Variants in MICOS10 observed in about 807,000 individuals in gnomAD.
MICOS10 encodes the protein mitochondrial contact site and cristae organizing system subunit 10, also known as MICOS complex subunit MIC10.
In MICOS10, 5 loss-of-function variants were observed where a neutral mutation model predicts 13.4. The ratio of observed to expected loss-of-function variants is 0.37; its 90% confidence interval spans 0.20 to 0.78. The LOEUF is 0.78. Ranked by LOEUF, MICOS10 falls within the 30% of genes least tolerant of loss-of-function variation. MICOS10 has a pLI of 0.47. For synonymous variants in MICOS10, 35 were observed against 33.6 expected (o/e 1.04, Z -0.15); for missense variants, 101 against 94.6 (o/e 1.07, Z -0.28).
chr1:19,611,653 T>C (rs2094862130), intron 1 of MICOS10, among the ~76,000 whole-genome samples: 1 of 151,782 alleles, frequency 6.6e-6, no homozygotes, highest in Admixed American at 6.6e-5. Flanking sequence ...TTGAAATTTA[T>C]TTTAGCTCAT....
At chr1:19,623,992 A>G (rs2094913505) in intron 3 of MICOS10, among the ~76,000 whole-genome samples, 1 of 152,018 alleles carries the variant, frequency 6.6e-6, no homozygotes, top group Non-Finnish European at 1.5e-5. Flanking sequence ...CTTTTTATTA[A>G]TTTGTTTCAT....
intron 1 of MICOS10, among the ~76,000 whole-genome samples, chr1:19,614,202 T>C (rs545028405): frequency 6.6e-6 from 1 of 151,990 alleles, no homozygotes; most frequent in African/African-American, 2.4e-5. Context: ...TTAGATTGAT[T>C]AAGGGAATTT....
chr1:19,620,290 C>G (rs1370243580), intron 1 of MICOS10, among the ~76,000 whole-genome samples: 1 of 152,148 alleles, frequency 6.6e-6, no homozygotes, highest in Non-Finnish European at 1.5e-5. Flanking sequence ...AGTTGGTGTC[C>G]CCCGATCAGG....
chr1:19,608,552 G>A (rs1268424867), intron 1 of MICOS10: 8 of 927,906 alleles, frequency 8.6e-6, no homozygotes, highest in South Asian at 2.6e-5. Context: ...GGGGGTCACC[G>A]TGGTCGCCGT....
At chr1:19,624,192 C>A (rs1384201260) in intron 3 of MICOS10, among the ~76,000 whole-genome samples, 1 of 151,942 alleles carries the variant, frequency 6.6e-6, no homozygotes, top group Admixed American at 6.6e-5. Context: ...GTTGGCCAGG[C>A]CGTGGTTCTG....
intron 1 of MICOS10, among the ~76,000 whole-genome samples, chr1:19,607,054 C>G: frequency 6.6e-6 from 1 of 152,358 alleles, no homozygotes; most frequent in South Asian, 2.1e-4. Context: ...TGATACCTCT[C>G]TATTTCATGG....
intron 1 of MICOS10, among the ~76,000 whole-genome samples, chr1:19,612,470 C>A (rs1188650277): frequency 6.6e-6 from 1 of 151,812 alleles, no homozygotes; most frequent in Non-Finnish European, 1.5e-5. Context: ...TGTCTGTAAT[C>A]CCAGCACTTT....
intron 1 of MICOS10, among the ~76,000 whole-genome samples, chr1:19,606,716 A>G (rs149306389): frequency 6.6e-6 from 1 of 152,114 alleles, no homozygotes; most frequent in Admixed American, 6.5e-5. Flanking sequence ...ATTGCACTCC[A>G]ACCTGGGCGA....
At chr1:19,619,022 T>C (rs1237641806) in intron 1 of MICOS10, among the ~76,000 whole-genome samples, 6 of 152,256 alleles carry the variant, frequency 3.9e-5, no homozygotes, top group Admixed American at 3.9e-4. Context: ...ACATGTAAGC[T>C]GGAGTGAGGT....
In MICOS10 at chr1:19,626,483, T is replaced by G; in HGVS notation, c.*82T>G. 3 of 1,477,764 alleles carry G rather than the reference T, an allele frequency of 2.0e-6. No individual in the cohort carries two copies. The South Asian group carries it at 3.5e-5, about 17-fold the overall frequency. The allele number at this position is 1,477,764 out of a possible 1,614,324, so 91.5% of individuals were successfully genotyped here. A position where few individuals can be genotyped will look rare whatever the true frequency, so the allele number is the denominator to read the frequency against. On this transcript the variant is annotated 3_prime_UTR_variant, in exon 4 of 4. Coordinates refer to ENST00000322753, the MANE Select transcript of MICOS10 (RefSeq NM_001032363.4). ...AATACTGAAGTGCCCTGGAGTAAGCTGCCATTCTTCTGTAACAATGTTATC... is the reference window on the plus strand; with the variant it reads ...AATACTGAAGTGCCCTGGAGTAAGCGGCCATTCTTCTGTAACAATGTTATC...
intron 1 of MICOS10, among the ~76,000 whole-genome samples, chr1:19,603,078 C>G (rs1242294978): frequency 4.6e-5 from 7 of 152,090 alleles, no homozygotes; most frequent in Non-Finnish European, 1.0e-4. Context: ...ACCTGTAATC[C>G]CAGCACTTTG....
intron 1 of MICOS10, among the ~76,000 whole-genome samples, chr1:19,615,092 A>G (rs756934433): frequency 6.6e-5 from 10 of 152,178 alleles, no homozygotes; most frequent in Admixed American, 1.3e-4. Flanking sequence ...CTGTCCTTTC[A>G]TGGCACTGAG....
At chr1:19,622,633 T>C (rs557463590) in intron 2 of MICOS10, among the ~76,000 whole-genome samples, 3 of 152,222 alleles carry the variant, frequency 2.0e-5, no homozygotes, top group Non-Finnish European at 4.4e-5. Flanking sequence ...ACCGAATAGA[T>C]GCCAGAGGGA....
intron 3 of MICOS10, among the ~76,000 whole-genome samples, chr1:19,624,115 G>C (rs2094914033): frequency 1.3e-5 from 2 of 152,002 alleles, no homozygotes; most frequent in South Asian, 4.1e-4. Context: ...TGAGTAGCTG[G>C]GATTACAGGC....
intron 2 of MICOS10, among the ~76,000 whole-genome samples, chr1:19,622,926 T>TC (rs1368367925): frequency 2.0e-5 from 3 of 150,138 alleles, no homozygotes; most frequent in African/African-American, 7.4e-5. Flanking sequence ...ACTACTTTTT[T>TC]TTTTTTTTTT....
chr1:19,597,100 G>C lies in MICOS10; in HGVS notation c.55G>C (p.Val19Leu), dbSNP rs2094794522. ...GGACCGGTGTCTGGCGGATGCGGTC[G>C]TGAAGATAGGTAAGGGGCTTTTCGC... ...KWDRCLADAV[V>L]KIGTGFGLGI... The change falls in exon 1 of 4, where the codon GTG becomes CTG. Residue 19 changes from valine to leucine, a missense_variant. Physicochemically the swap from Val to Leu is conservative, Grantham distance 32. Coordinates refer to ENST00000322753, the MANE Select transcript of MICOS10 (RefSeq NM_001032363.4). 1.2e-6 allele frequency: 2 copies of C among 1,600,990 alleles called. No individual in the cohort carries two copies. The highest frequency in any genetic ancestry group is 1.4e-5 in the African/African-American group (1 of 73,422).
intron 2 of MICOS10, among the ~76,000 whole-genome samples, chr1:19,622,725 A>G (rs796925216): frequency 1.4e-4 from 21 of 152,348 alleles, no homozygotes; most frequent in African/African-American, 5.1e-4. Context: ...CTGATATGAA[A>G]GAATCACTTA....
At chr1:19,621,402 G>T (rs2094902783) in intron 1 of MICOS10, among the ~76,000 whole-genome samples, 1 of 152,156 alleles carries the variant, frequency 6.6e-6, no homozygotes, top group African/African-American at 2.4e-5. Context: ...TAGAAATCTT[G>T]ACATTCCAAT....
intron 1 of MICOS10, among the ~76,000 whole-genome samples, chr1:19,605,202 A>C (rs767001174): frequency 6.6e-6 from 1 of 152,174 alleles, no homozygotes. Context: ...GGGGAGGGAC[A>C]AAAGATGAGG....
Sources: gnomAD v4.1 joint callset for allele counts (sites outside exome capture counted in the v4.1 genomes callset) on GRCh38, gnomAD v4.1.1 for gene constraint, MANE v1.5 for transcripts, NCBI Gene and HGNC (gene_info 2026-07-23, HGNC 2026-07-21) for gene names.